The following MIPEP variants were observed in gnomAD, a reference collection of about 807,000 sequenced individuals.
MIPEP encodes mitochondrial intermediate peptidase.
A neutral mutation model predicts 90.3 loss-of-function variants in MIPEP; 79 were observed. The observed-to-expected ratio is 0.87, with a 90% CI of 0.73 to 1.05. MIPEP has a LOEUF of 1.05. Ranked by LOEUF, MIPEP falls within the 50% of genes least tolerant of loss-of-function variation. MIPEP has a pLI of 0.00. For synonymous variants in MIPEP, 334 were observed against 315.8 expected (o/e 1.06, Z -0.61); for missense variants, 940 against 905.6 (o/e 1.04, Z -0.49).
At chr13:23,839,522 T>C in intron 12 of MIPEP, 127 bp downstream of exon 12, 2 of 497,174 alleles carry the variant, frequency 4.0e-6, no homozygotes, top group Non-Finnish European at 3.4e-6. Flanking sequence ...TTCAAATGTA[T>C]ATATTTGGTA....
intron 12 of MIPEP, among the ~76,000 whole-genome samples, chr13:23,839,328 G>A (rs1869194150): frequency 6.6e-6 from 1 of 152,186 alleles, no homozygotes; most frequent in African/African-American, 2.4e-5. Flanking sequence ...TCAAAAGGGT[G>A]AGGCGAACAT....
intron 16 of MIPEP, among the ~76,000 whole-genome samples, chr13:23,772,451 T>C (rs532850282): frequency 5.9e-5 from 9 of 152,322 alleles, no homozygotes; most frequent in African/African-American, 9.6e-5. Flanking sequence ...TAGTTAAAAG[T>C]AGTATTCACT....
In MIPEP at chr13:23,889,265, G is replaced by C. The variant is rs929680889; in HGVS notation, c.56C>G (p.Pro19Arg). ...GAGGCTTCCCCGGCCCGCCCGGCGGGGCGGCAGAGCTGCTGCTCTGGCTCC... is the reference window on the plus strand; with the variant it reads ...GAGGCTTCCCCGGCCCGCCCGGCGGCGCGGCAGAGCTGCTGCTCTGGCTCC... ...GLGARAAALP[P>R]RRAGRGSLEA... The change falls in exon 1 of 19, where the codon CCC (proline) becomes CGC (arginine). Residue 19 changes from proline to arginine, a missense_variant. Transcript: ENST00000382172. The C allele has an allele frequency of 8.7e-6, 12 of 1,385,002 alleles. No individual in the cohort carries two copies. The highest frequency in any genetic ancestry group is 2.3e-4 in the Middle Eastern group (1 of 4,428). 85.8% of individuals were successfully genotyped at this position (1,385,002 alleles called of 1,614,324 possible). A position where few individuals can be genotyped will look rare whatever the true frequency, so the allele number is the denominator to read the frequency against.
Position 23,869,103 on chromosome 13 carries a change from G to A in MIPEP, c.943+189C>T, listed in dbSNP as rs112814513. Among the ~76,000 whole-genome samples, 9 of 152,168 alleles carry A rather than the reference G, an allele frequency of 5.9e-5. 1 individual carries two copies. Among genetic ancestry groups the A allele is most frequent in the African/African-American group, 1.7e-4 (7 of 41,448 alleles). Reference sequence around the variant, plus strand: ...CATTCACATAAAATAAAATTCTTTGGTTGGACAGAATTATGCCAAATTATT... The same window carrying A: ...CATTCACATAAAATAAAATTCTTTGATTGGACAGAATTATGCCAAATTATT... On this transcript the variant is annotated intron_variant, in intron 7 of 18. Coordinates refer to ENST00000382172, the MANE Select transcript of MIPEP (RefSeq NM_005932.4).
At chr13:23,731,968 ATTTT>A (rs57109674) in intron 18 of MIPEP, among the ~76,000 whole-genome samples, 12 of 97,868 alleles carry the variant, frequency 1.2e-4, no homozygotes, top group Admixed American at 3.7e-4. Flanking sequence ...AGAATAGCTA[ATTTT>A]TTTTTTTTTT....
chr13:23,800,682 A>G (rs1215993248), intron 16 of MIPEP, among the ~76,000 whole-genome samples: 1 of 152,228 alleles, frequency 6.6e-6, no homozygotes, highest in African/African-American at 2.4e-5. Flanking sequence ...AGAAAGCATC[A>G]TTATTTAATA....
At chr13:23,831,392 G>GGGGGA in intron 14 of MIPEP, among the ~76,000 whole-genome samples, 2 of 142,592 alleles carry the variant, frequency 1.4e-5, no homozygotes, top group Admixed American at 1.4e-4. Context: ...GCGGGGGGGG[G>GGGGGA]ATGTGGATGG....
chr13:23,846,911 CTCATT>C (rs1317391342), intron 10 of MIPEP, among the ~76,000 whole-genome samples: 14 of 152,140 alleles, frequency 9.2e-5, no homozygotes, highest in African/African-American at 3.1e-4. Context: ...TTATACATAT[CTCATT>C]TAACAGCAAA....
At chr13:23,868,349 G>A (rs1451204858) in intron 7 of MIPEP, among the ~76,000 whole-genome samples, 1 of 152,170 alleles carries the variant, frequency 6.6e-6, no homozygotes, top group Non-Finnish European at 1.5e-5. Context: ...AGCCCTGACA[G>A]GTCAAGGGAA....
At chr13:23,794,488 G>A (rs1952935209) in intron 16 of MIPEP, among the ~76,000 whole-genome samples, 1 of 152,062 alleles carries the variant, frequency 6.6e-6, no homozygotes, top group African/African-American at 2.4e-5. Flanking sequence ...GAGTAAAAAC[G>A]GGACTTACCT....
intron 17 of MIPEP, 26 bp downstream of exon 17, chr13:23,760,070 G>A (rs1952523933): frequency 6.2e-7 from 1 of 1,613,816 alleles, no homozygotes. Flanking sequence ...TCCAAGATGG[G>A]GACATTTTAG....
chr13:23,868,820 G>A (rs150215049), intron 7 of MIPEP, among the ~76,000 whole-genome samples: 2 of 152,206 alleles, frequency 1.3e-5, no homozygotes, highest in African/African-American at 4.8e-5. Flanking sequence ...CAAACCCAAC[G>A]ACACACTTCC....
At position 23,790,647 on chromosome 13, in the gene MIPEP, C is replaced by T. The variant is rs940702521; in HGVS notation, c.1848+15303G>A. Reference sequence around the variant, plus strand: ...TGCAGCCTGTGGCCCGGAGCCAGGGCACACCATCTGCCTCATGGAGTGGGG... The same window carrying T: ...TGCAGCCTGTGGCCCGGAGCCAGGGTACACCATCTGCCTCATGGAGTGGGG... On this transcript the variant is annotated intron_variant, in intron 16 of 18. Coordinates refer to ENST00000382172, the MANE Select transcript of MIPEP (RefSeq NM_005932.4). Among the ~76,000 whole-genome samples, 42 of 152,258 alleles carry T rather than the reference C, an allele frequency of 2.8e-4. 1 individual carries two copies. Among genetic ancestry groups the T allele is most frequent in the African/African-American group, 1.0e-3 (42 of 41,550 alleles).
chr13:23,754,870 T>C (rs1952475326), intron 18 of MIPEP, among the ~76,000 whole-genome samples: 1 of 152,188 alleles, frequency 6.6e-6, no homozygotes, highest in Non-Finnish European at 1.5e-5. Context: ...ATTGTTTCAC[T>C]TTTGCCTGGG....
chr13:23,732,411 A>G (rs1208819435), intron 18 of MIPEP, among the ~76,000 whole-genome samples: 1 of 152,206 alleles, frequency 6.6e-6, no homozygotes, highest in African/African-American at 2.4e-5. Context: ...ATAGACCTAC[A>G]CTAGGACCCA....
intron 16 of MIPEP, among the ~76,000 whole-genome samples, chr13:23,774,020 T>G (rs1324972): frequency 1.3e-5 from 2 of 151,970 alleles, no homozygotes; most frequent in African/African-American, 4.8e-5. Context: ...TAAATGTGTA[T>G]GTAATCCTAT....
chr13:23,757,291 C>T (rs1361993641), intron 17 of MIPEP, among the ~76,000 whole-genome samples: 1 of 151,932 alleles, frequency 6.6e-6, no homozygotes, highest in Non-Finnish European at 1.5e-5. Context: ...TCTAATGCTG[C>T]CACTAATTCA....
At chr13:23,759,310 G>A (rs1413153142) in intron 17 of MIPEP, among the ~76,000 whole-genome samples, 2 of 151,212 alleles carry the variant, frequency 1.3e-5, no homozygotes, top group Non-Finnish European at 3.0e-5. Flanking sequence ...CAGACAGCAC[G>A]GGAACCCTCG....
At chr13:23,810,915 T>C (rs1410943663) in intron 14 of MIPEP, among the ~76,000 whole-genome samples, 3 of 152,212 alleles carry the variant, frequency 2.0e-5, no homozygotes, top group African/African-American at 7.2e-5. Flanking sequence ...CTACAGCCTT[T>C]TCTCTTTCCA....
Sources: allele counts gnomAD v4.1 joint callset (sites outside exome capture counted in the v4.1 genomes callset), GRCh38; gene constraint gnomAD v4.1.1; transcripts MANE v1.5; gene names NCBI Gene and HGNC (gene_info 2026-07-23, HGNC 2026-07-21).